EXOC6: variants seen among roughly 807,000 people sequenced by gnomAD.
EXOC6 encodes the protein exocyst complex component 6.
EXOC6 carries 60 observed loss-of-function variants against 112.5 expected under a neutral mutation model. The observed-to-expected ratio is 0.53, with a 90% CI of 0.43 to 0.66. The LOEUF (loss-of-function observed/expected upper bound fraction) is 0.66, where lower values mean the gene tolerates loss of function less well. EXOC6 is among the 30% of genes least tolerant of loss of function. The pLI is 0.00. For missense variants in EXOC6, 855 were observed against 957.1 expected, an observed-to-expected ratio of 0.89 and a Z score of 1.41; for synonymous variants, 295 against 308.0, an observed-to-expected ratio of 0.96 and a Z score of 0.44.
intron 5 of EXOC6, among the ~76,000 whole-genome samples, chr10:92,903,978 C>G (rs569205382): frequency 6.6e-6 from 1 of 152,158 alleles, no homozygotes; most frequent in East Asian, 1.9e-4. Flanking sequence ...GCTGTGAACC[C>G]GTACCAATTA....
At position 93,030,997 on chromosome 10, in the gene EXOC6, A is replaced by T. The variant is rs573975983; in HGVS notation, c.2169+16730A>T. 3.3e-5 allele frequency among the ~76,000 whole-genome samples: 5 copies of T among 152,364 alleles called. No individual in the cohort carries two copies. In the East Asian group the frequency reaches 9.6e-4, roughly 29 times the overall value. On this transcript the variant is annotated intron_variant, in intron 20 of 21. Coordinates refer to ENST00000260762, the MANE Select transcript of EXOC6 (RefSeq NM_019053.6). ...TACTATTTAGTGTACTAAAAATAGG[A>T]TGAAAAAATGCTGTAAGTCCTTTAG...
chr10:92,924,148 T>C (rs1851583683), intron 8 of EXOC6, among the ~76,000 whole-genome samples: 1 of 152,160 alleles, frequency 6.6e-6, no homozygotes. Flanking sequence ...CCCCTAGCTA[T>C]TGACAACAAG....
intron 18 of EXOC6, among the ~76,000 whole-genome samples, chr10:92,976,120 C>T (rs986995541): frequency 3.5e-4 from 53 of 151,986 alleles, no homozygotes; most frequent in Non-Finnish European, 6.9e-4. Context: ...CCGGCCACCC[C>T]TACTGGGAAG....
intron 1 of EXOC6, among the ~76,000 whole-genome samples, chr10:92,889,315 T>C (rs1233974769): frequency 6.6e-6 from 1 of 152,080 alleles, no homozygotes; most frequent in Non-Finnish European, 1.5e-5. Flanking sequence ...TTTTAAAGAC[T>C]TTTTTTTCTT....
At position 92,997,627 on chromosome 10, in the gene EXOC6, A is replaced by G. The variant is rs774554634; in HGVS notation, c.2095+12A>G. ...CATACAGTGTGAATGTAAGTACTAT[A>G]TTGGTTTATTCTTATGTATTACTAG... On this transcript the variant is annotated intron_variant, in intron 19 of 21. Coordinates refer to ENST00000260762, the MANE Select transcript of EXOC6 (RefSeq NM_019053.6). 2 of 1,589,836 alleles carry G rather than the reference A, an allele frequency of 1.3e-6. No homozygotes were observed. The highest frequency in any genetic ancestry group is 2.3e-5 in the East Asian group (1 of 44,252).
chr10:92,874,671 A>G (rs1848608432), intron 1 of EXOC6, among the ~76,000 whole-genome samples: 1 of 152,242 alleles, frequency 6.6e-6, no homozygotes, highest in Admixed American at 6.5e-5. Flanking sequence ...AGCTTAAGAA[A>G]AAATGAAAAA....
At chr10:92,911,942 T>TGC (rs1850802319) in intron 6 of EXOC6, among the ~76,000 whole-genome samples, 1 of 47,720 alleles carries the variant, frequency 2.1e-5, no homozygotes, top group South Asian at 1.3e-3. Context: ...TGTGTGCGTG[T>TGC]GTGTGTGTGT....
chr10:93,038,408 A>G (rs565931899), intron 20 of EXOC6, among the ~76,000 whole-genome samples: 1 of 152,348 alleles, frequency 6.6e-6, no homozygotes, highest in African/African-American at 2.4e-5. Context: ...GTTTGTGTAA[A>G]TTAAGCCATC....
intron 1 of EXOC6, among the ~76,000 whole-genome samples, chr10:92,874,758 A>G (rs965861798): frequency 6.6e-6 from 1 of 152,250 alleles, no homozygotes; most frequent in South Asian, 2.1e-4. Flanking sequence ...GGAACAAAGA[A>G]GTGGACAACC....
chr10:92,914,075 G>A (rs560976953), intron 6 of EXOC6, among the ~76,000 whole-genome samples: 112 of 152,320 alleles, frequency 7.4e-4, no homozygotes, highest in Non-Finnish European at 1.2e-3. Flanking sequence ...CCTGTCTGTG[G>A]CCTTTAGGAA....
intron 19 of EXOC6, among the ~76,000 whole-genome samples, chr10:93,005,843 T>C (rs1235014282): frequency 1.3e-5 from 2 of 152,192 alleles, no homozygotes; most frequent in African/African-American, 4.8e-5. Flanking sequence ...TGTGAAAGCC[T>C]TGGTCTTTCT....
intron 1 of EXOC6, among the ~76,000 whole-genome samples, chr10:92,864,117 T>C (rs991626626): frequency 2.0e-5 from 3 of 152,070 alleles, no homozygotes; most frequent in African/African-American, 7.2e-5. Flanking sequence ...TAATAAAAAG[T>C]ATAATAAAGT....
intron 21 of EXOC6, among the ~76,000 whole-genome samples, chr10:93,057,323 T>C (rs1168952750): frequency 1.3e-5 from 2 of 152,012 alleles, no homozygotes; most frequent in African/African-American, 4.8e-5. Context: ...GATGTGACAA[T>C]TGGAGCTTTC....
chr10:93,032,785 T>G (rs1228446754), intron 20 of EXOC6, among the ~76,000 whole-genome samples: 1 of 152,074 alleles, frequency 6.6e-6, no homozygotes, highest in African/African-American at 2.4e-5. Flanking sequence ...AGCTTTTAGA[T>G]GGTATGAGAA....
At chr10:92,858,988 C>T (rs1424451168) in intron 1 of EXOC6, among the ~76,000 whole-genome samples, 1 of 152,232 alleles carries the variant, frequency 6.6e-6, no homozygotes, top group Non-Finnish European at 1.5e-5. Flanking sequence ...TGGTCTTGAA[C>T]TCCTGACCTC....
chr10:93,011,552 A>G (rs1844248480), intron 19 of EXOC6, among the ~76,000 whole-genome samples: 1 of 152,200 alleles, frequency 6.6e-6, no homozygotes, highest in African/African-American at 2.4e-5. Flanking sequence ...ATGAGCCACC[A>G]TGCCCAGCCA....
intron 9 of EXOC6, among the ~76,000 whole-genome samples, chr10:92,928,967 A>G (rs1438508648): frequency 1.3e-5 from 2 of 152,212 alleles, no homozygotes; most frequent in Non-Finnish European, 2.9e-5. Flanking sequence ...AGGAAAACCC[A>G]AATGAAGGCA....
At chr10:93,044,157 G>C (rs1178912445) in intron 20 of EXOC6, among the ~76,000 whole-genome samples, 1 of 152,168 alleles carries the variant, frequency 6.6e-6, no homozygotes, top group Admixed American at 6.5e-5. Context: ...TGAGGCTATG[G>C]AAAGACTACA....
intron 17 of EXOC6, among the ~76,000 whole-genome samples, chr10:92,969,064 A>T (rs1369776831): frequency 6.6e-6 from 1 of 152,112 alleles, no homozygotes; most frequent in Non-Finnish European, 1.5e-5. Flanking sequence ...CAGACTTGTG[A>T]CAGCTTTGAC....
Sources: allele counts gnomAD v4.1 joint callset (sites outside exome capture counted in the v4.1 genomes callset), GRCh38; gene constraint gnomAD v4.1.1; transcripts MANE v1.5; gene names NCBI Gene and HGNC (gene_info 2026-07-23, HGNC 2026-07-21).